Variants in ARHGAP15 observed in about 807,000 individuals in gnomAD.
The protein encoded by ARHGAP15 is rho GTPase-activating protein 15.
Under a neutral mutation model 63.7 loss-of-function variants are expected in ARHGAP15, and 51 were observed. The ratio of observed to expected loss-of-function variants is 0.80; its 90% CI spans 0.64 to 1.01. The LOEUF is 1.01. Among genes scored for constraint, ARHGAP15 ranks in the 50% least tolerant of loss-of-function variants. The probability of loss-of-function intolerance (pLI) is 0.00; values close to 1 mark genes in which losing one functional copy is unlikely to be tolerated. For missense variants in ARHGAP15, 560 were observed against 564.6 expected (o/e 0.99, Z 0.08); for synonymous variants, 191 against 193.8 (o/e 0.99, Z 0.12).
chr2:143,292,591 TA>T (rs759270053), intron 6 of ARHGAP15, among the ~76,000 whole-genome samples: 1 of 152,036 alleles, frequency 6.6e-6, no homozygotes, highest in Non-Finnish European at 1.5e-5. Context: ...AAAATTAAAT[TA>T]AATTTTTAAT....
intron 13 of ARHGAP15, among the ~76,000 whole-genome samples, chr2:143,745,655 T>C (rs903587477): frequency 3.9e-5 from 6 of 152,230 alleles, no homozygotes; most frequent in African/African-American, 1.4e-4. Flanking sequence ...ACAAACTTTT[T>C]ACATTTTAGG....
intron 6 of ARHGAP15, among the ~76,000 whole-genome samples, chr2:143,300,983 CT>C (rs1299746823): frequency 6.6e-6 from 1 of 151,810 alleles, no homozygotes; most frequent in South Asian, 2.1e-4. Context: ...TCTGACTACA[CT>C]TTTTTTTCTA....
At chr2:143,365,741 A>C (rs1481805376) in intron 6 of ARHGAP15, among the ~76,000 whole-genome samples, 1 of 152,184 alleles carries the variant, frequency 6.6e-6, no homozygotes, top group Non-Finnish European at 1.5e-5. Flanking sequence ...AAATCGATTT[A>C]TATGTAAAAT....
At chr2:143,304,067 C>CT (rs1683050548) in intron 6 of ARHGAP15, among the ~76,000 whole-genome samples, 1 of 152,102 alleles carries the variant, frequency 6.6e-6, no homozygotes, top group African/African-American at 2.4e-5. Flanking sequence ...GGATCTACAA[C>CT]TAGAAATAGC....
chr2:143,471,332 G>C (rs1204654233), intron 8 of ARHGAP15, among the ~76,000 whole-genome samples: 2 of 149,550 alleles, frequency 1.3e-5, no homozygotes, highest in East Asian at 3.9e-4. Flanking sequence ...GCACTTTTTT[G>C]CTTAAAGATT....
intron 13 of ARHGAP15, among the ~76,000 whole-genome samples, chr2:143,720,950 T>A (rs1685027722): frequency 6.7e-6 from 1 of 150,072 alleles, no homozygotes; most frequent in Non-Finnish European, 1.5e-5. Context: ...GCGCCTGTAG[T>A]CCCAGCTACT....
At chr2:143,377,413 G>C (rs1300123227) in intron 6 of ARHGAP15, among the ~76,000 whole-genome samples, 2 of 151,194 alleles carry the variant, frequency 1.3e-5, no homozygotes, top group Non-Finnish European at 3.0e-5. Flanking sequence ...AATTATTTCA[G>C]AAAAATTGAA....
At chr2:143,210,048 A>G (rs1692507450) in intron 3 of ARHGAP15, among the ~76,000 whole-genome samples, 1 of 152,192 alleles carries the variant, frequency 6.6e-6, no homozygotes, top group South Asian at 2.1e-4. Context: ...GTTATAACGC[A>G]GAAATTGAAT....
chr2:143,625,971 C>T (rs1477355594), intron 12 of ARHGAP15, among the ~76,000 whole-genome samples: 2 of 152,086 alleles, frequency 1.3e-5, no homozygotes, highest in Non-Finnish European at 2.9e-5. Flanking sequence ...ATTTTCTTAG[C>T]TTGAGAGATA....
At position 143,361,247 on chromosome 2, in the gene ARHGAP15, T is replaced by C. The variant is rs1340846531; in HGVS notation, c.475-74354T>C. 3.3e-5 allele frequency among the ~76,000 whole-genome samples: 5 copies of C among 152,192 alleles called. No individual in the cohort carries two copies. The South Asian group carries it at 6.2e-4, about 19-fold the overall frequency. On this transcript the variant is annotated intron_variant, in intron 6 of 13. Transcript: ENST00000295095. The stretch of plus-strand genomic sequence containing the variant: ...AAATCCTTGGAGATGGCTTCTGATC[T>C]CCAGTTGAATCTTCAGCCCTTTGAT...
chr2:143,175,004 T>C (rs1309902921), intron 2 of ARHGAP15, among the ~76,000 whole-genome samples: 6 of 152,160 alleles, frequency 3.9e-5, no homozygotes. Context: ...ATATCCAAGT[T>C]TTAAATCAAC....
chr2:143,537,749 G>T (rs1363691134), intron 10 of ARHGAP15, among the ~76,000 whole-genome samples: 1 of 152,082 alleles, frequency 6.6e-6, no homozygotes, highest in African/African-American at 2.4e-5. Flanking sequence ...TCTCTGTTTT[G>T]GTGCCAGTAC....
chr2:143,671,758 T>C (rs772359077), intron 12 of ARHGAP15, among the ~76,000 whole-genome samples: 1 of 152,218 alleles, frequency 6.6e-6, no homozygotes, highest in Non-Finnish European at 1.5e-5. Flanking sequence ...CTCTGTATAA[T>C]CTTTAAAGAT....
intron 11 of ARHGAP15, among the ~76,000 whole-genome samples, chr2:143,610,054 G>T (rs1245815692): frequency 1.3e-5 from 2 of 152,076 alleles, no homozygotes; most frequent in Non-Finnish European, 2.9e-5. Flanking sequence ...TATGGTTCTT[G>T]CTTGGGAATA....
chr2:143,718,452 A>G (rs1005985390), intron 13 of ARHGAP15, among the ~76,000 whole-genome samples: 2 of 152,208 alleles, frequency 1.3e-5, no homozygotes, highest in African/African-American at 2.4e-5. Context: ...TTCTGCCTCA[A>G]TGACATTTTT....
chr2:143,303,544 A>C (rs769091464), intron 6 of ARHGAP15, among the ~76,000 whole-genome samples: 2 of 152,150 alleles, frequency 1.3e-5, no homozygotes, highest in Non-Finnish European at 2.9e-5. Flanking sequence ...TACATTCAGG[A>C]CATAGGCATG....
rs576659338 is a variant in ARHGAP15, at chr2:143,648,824, A to C, written c.1138+24557A>C. On this transcript the variant is annotated intron_variant, in intron 12 of 13. Transcript: ENST00000295095. ...TCCAAAGAAAATCCTTTGCTCATAA[A>C]GATGCAGTGTTAGGTGCACATTTCT... 11 of 152,092 alleles carry C rather than the reference A, an allele frequency of 7.2e-5. No individual in the cohort carries two copies. In the South Asian group the frequency reaches 2.1e-3, roughly 29 times the overall value. 9.4% of individuals were successfully genotyped at this position (152,092 alleles called of 1,614,324 possible).
chr2:143,214,623 G>A (rs535401104), intron 3 of ARHGAP15, among the ~76,000 whole-genome samples: 6 of 152,248 alleles, frequency 3.9e-5, no homozygotes, highest in Non-Finnish European at 7.4e-5. Flanking sequence ...GTAGAGTTGT[G>A]GAGAACATGG....
intron 1 of ARHGAP15, among the ~76,000 whole-genome samples, chr2:143,147,203 G>A (rs572097734): frequency 2.1e-4 from 32 of 152,174 alleles, no homozygotes; most frequent in African/African-American, 7.2e-4. Flanking sequence ...GCCTGTCCCA[G>A]TGAGGGTCTG....
Sources: gnomAD v4.1 joint callset for allele counts (sites outside exome capture counted in the v4.1 genomes callset) on GRCh38, gnomAD v4.1.1 for gene constraint, MANE v1.5 for transcripts, NCBI Gene and HGNC (gene_info 2026-07-23, HGNC 2026-07-21) for gene names.